CCDC32: variants seen among roughly 807,000 people sequenced by gnomAD.
The protein encoded by CCDC32 is coiled-coil domain containing 32.
In CCDC32, 9 loss-of-function variants were observed where a neutral mutation model predicts 20.1. The ratio of observed to expected loss-of-function variants is 0.45; its 90% CI spans 0.27 to 0.78. The LOEUF (loss-of-function observed/expected upper bound fraction) is 0.78, where lower values mean the gene tolerates loss of function less well. Ranked by LOEUF, CCDC32 falls within the 30% of genes least tolerant of loss-of-function variation. CCDC32 has a pLI of 0.16. For synonymous variants in CCDC32, 63 were observed against 79.0 expected (o/e 0.80, Z 1.07); for missense variants, 204 against 215.5 (o/e 0.95, Z 0.33).
At chr15:40,538,257 A>AT (rs1444799709), downstream of CCDC32, 1 of 152,054 alleles carries the variant, frequency 6.6e-6, no homozygotes, top group African/African-American at 2.4e-5. Flanking sequence ...AGAAGACCAC[A>AT]TTTTTTATTC....
downstream of CCDC32, among the ~76,000 whole-genome samples, chr15:40,530,291 C>CAAAA (rs3068017): frequency 3.1e-4 from 31 of 99,442 alleles, 1 homozygote; most frequent in African/African-American, 7.6e-4. Flanking sequence ...AACTACATCT[C>CAAAA]AAAAAAAAAA....
downstream of CCDC32, chr15:40,535,001 G>A (rs57374749): frequency 0.014 from 9,775 of 703,912 alleles, 613 homozygotes; most frequent in African/African-American, 0.15. Context: ...TGATCTTCCC[G>A]AGCCCATGCC....
At chr15:40,542,404 C>T (rs1889433070) in intron 3 of CCDC32, among the ~76,000 whole-genome samples, 2 of 152,174 alleles carry the variant, frequency 1.3e-5, no homozygotes, top group Non-Finnish European at 2.9e-5. Flanking sequence ...TCAAATAACT[C>T]GATCTGAGCC....
At chr15:40,542,414 C>T (rs1042042872) in intron 3 of CCDC32, among the ~76,000 whole-genome samples, 5 of 152,174 alleles carry the variant, frequency 3.3e-5, no homozygotes, top group Non-Finnish European at 5.9e-5. Context: ...CGATCTGAGC[C>T]TGCTCACCCT....
At chr15:40,557,439 C>T in intron 2 of CCDC32, 67 bp from the exon 3 acceptor site, 1 of 1,494,792 alleles carries the variant, frequency 6.7e-7, no homozygotes, top group Admixed American at 2.2e-5. Context: ...AAATCTAAAA[C>T]TCAAAATACT....
At chr15:40,539,881 C>CACACACACA (rs1491175376) in intron 3 of CCDC32, among the ~76,000 whole-genome samples, 26 of 147,924 alleles carry the variant, frequency 1.8e-4, no homozygotes, top group South Asian at 1.1e-3. Context: ...CACACACACA[C>CACACACACA]CCCGCTCCTT....
downstream of CCDC32, among the ~76,000 whole-genome samples, chr15:40,548,843 C>T (rs920910322): frequency 6.6e-6 from 1 of 152,048 alleles, no homozygotes; most frequent in Non-Finnish European, 1.5e-5. Context: ...TAGGTCTGCC[C>T]AGGTTCAAAG....
downstream of CCDC32, chr15:40,534,835 A>G (rs1889039639): frequency 1.4e-6 from 1 of 700,084 alleles, no homozygotes; most frequent in Non-Finnish European, 2.6e-6. Flanking sequence ...GTGTTTCAAC[A>G]TGTATATTTT....
chr15:40,525,994 G>A (rs1894896160), downstream of CCDC32, among the ~76,000 whole-genome samples: 1 of 151,898 alleles, frequency 6.6e-6, no homozygotes, highest in Admixed American at 6.6e-5. Context: ...TGGTGGCTGG[G>A]GTGGTTGGGC....
chr15:40,539,920 A>C (rs1055716795), intron 3 of CCDC32, among the ~76,000 whole-genome samples: 4 of 150,212 alleles, frequency 2.7e-5, no homozygotes, highest in African/African-American at 7.3e-5. Context: ...CCCCAAACTC[A>C]TCATAAATAC....
At chr15:40,530,567 G>A (rs1182678304), downstream of CCDC32, among the ~76,000 whole-genome samples, 1 of 150,158 alleles carries the variant, frequency 6.7e-6, no homozygotes, top group East Asian at 1.9e-4. Context: ...CTCTTGCCAT[G>A]TGACACACTA....
chr15:40,536,450 G>C (rs571497980), downstream of CCDC32: 24 of 152,466 alleles, frequency 1.6e-4, no homozygotes, highest in African/African-American at 5.5e-4. Flanking sequence ...CCCAGGGCTG[G>C]GGAAATAGCG....
At chr15:40,539,475 G>C in intron 3 of CCDC32, 1 of 821,406 alleles carries the variant, frequency 1.2e-6, no homozygotes, top group Admixed American at 2.2e-5. Context: ...GCGAAGGTGC[G>C]AGGAAGTGAG....
intron 3 of CCDC32, among the ~76,000 whole-genome samples, chr15:40,544,253 G>A (rs866620924): frequency 2.0e-5 from 3 of 152,086 alleles, no homozygotes; most frequent in Non-Finnish European, 2.9e-5. Flanking sequence ...TTGCTCTGTC[G>A]CCCAGGATAG....
At chr15:40,564,557 A>T (rs1295474268) in intron 1 of CCDC32, among the ~76,000 whole-genome samples, 1 of 152,136 alleles carries the variant, frequency 6.6e-6, no homozygotes, top group Non-Finnish European at 1.5e-5. Flanking sequence ...ACAGGCTGAC[A>T]CCTTCTTTCA....
downstream of CCDC32, among the ~76,000 whole-genome samples, chr15:40,526,954 CTTTTTT>C (rs1894907193): frequency 6.6e-6 from 1 of 152,012 alleles, no homozygotes. Context: ...ATTTTACTTT[CTTTTTT>C]GAGACAGGGT....
downstream of CCDC32, among the ~76,000 whole-genome samples, chr15:40,530,208 A>T (rs540407131): frequency 6.8e-6 from 1 of 146,032 alleles, no homozygotes; most frequent in East Asian, 2.1e-4. Context: ...CAGGAGAACT[A>T]CTTGAACCTG....
At chr15:40,539,840 C>CACACACACACA (rs1555413863) in intron 3 of CCDC32, among the ~76,000 whole-genome samples, 4 of 134,632 alleles carry the variant, frequency 3.0e-5, no homozygotes, top group East Asian at 4.9e-4. Context: ...CAAACTGTTG[C>CACACACACACA]CACACACACA....
chr15:40,524,196 CG>C (rs1894869027), downstream of CCDC32, among the ~76,000 whole-genome samples: 1 of 121,672 alleles, frequency 8.2e-6, no homozygotes, highest in Non-Finnish European at 1.6e-5. Flanking sequence ...CTGGCTCTGT[CG>C]CCCAGGCTGG....
Sources: gnomAD v4.1 joint callset for allele counts (sites outside exome capture counted in the v4.1 genomes callset) on GRCh38, gnomAD v4.1.1 for gene constraint, MANE v1.5 for transcripts, NCBI Gene and HGNC (gene_info 2026-07-23, HGNC 2026-07-21) for gene names.